SEMA6D: variants seen among roughly 807,000 people sequenced by gnomAD.
The protein encoded by SEMA6D is semaphorin-6D.
Under a neutral mutation model 106.6 loss-of-function variants are expected in SEMA6D, and 35 were observed. That is an observed-to-expected ratio of 0.33 (90% confidence interval 0.25 to 0.44). SEMA6D has a LOEUF of 0.44. Ranked by LOEUF, SEMA6D falls within the 20% of genes least tolerant of loss-of-function variation. SEMA6D has a pLI of 1.00. For missense variants in SEMA6D, 1,185 were observed against 1,345.9 expected (o/e 0.88, Z 1.87); for synonymous variants, 499 against 487.7 (o/e 1.02, Z -0.31).
At chr15:47,676,941 G>A (rs536961543) in intron 4 of SEMA6D, among the ~76,000 whole-genome samples, 1 of 152,162 alleles carries the variant, frequency 6.6e-6, no homozygotes, top group Non-Finnish European at 1.5e-5. Context: ...GGGGTGGGTG[G>A]GTGGTTCCGG....
chr15:47,494,766 ATATATATATATATATATATATAT>A (rs1567119746), intron 3 of SEMA6D, among the ~76,000 whole-genome samples: 2,432 of 98,462 alleles, frequency 0.025, 137 homozygotes, highest in African/African-American at 0.089. Flanking sequence ...ATATATATAT[ATATATATATATATATATATATAT>A]AATCTCCAGA....
chr15:47,457,433 T>G (rs2042377352), intron 2 of SEMA6D, among the ~76,000 whole-genome samples: 1 of 151,910 alleles, frequency 6.6e-6, no homozygotes, highest in Non-Finnish European at 1.5e-5. Flanking sequence ...TTAAGCAGTA[T>G]TATAAGTATA....
chr15:47,316,102 C>CTTTTTTTTTTTTTT lies in SEMA6D; in HGVS notation c.-238-96283_-238-96282insTTTTTTTTTTTTTT, dbSNP rs67090828. 0.059 allele frequency among the ~76,000 whole-genome samples: 4,761 copies of CTTTTTTTTTTTTTT among 81,318 alleles called. 1,136 individuals are homozygous for CTTTTTTTTTTTTTT. In the East Asian group the frequency reaches 0.66, roughly 11 times the overall value. The allele number at this position is 81,318 out of a possible 152,430, so 53.3% of individuals were successfully genotyped here. ...TCCCAATCAGTATGCCATTTATTTC[C>CTTTTTTTTTTTTTT]TTTTTTTTGAGACAGAATCTTGTTC... On this transcript the variant is annotated intron_variant, in intron 1 of 19. Transcript: ENST00000558014.
chr15:47,523,371 A>C (rs910930322), intron 3 of SEMA6D, among the ~76,000 whole-genome samples: 1 of 152,082 alleles, frequency 6.6e-6, no homozygotes, highest in Non-Finnish European at 1.5e-5. Flanking sequence ...GGGGCTTCCC[A>C]ATGGAAGCCA....
chr15:47,556,920 C>T (rs2045932044), intron 3 of SEMA6D, among the ~76,000 whole-genome samples: 1 of 152,116 alleles, frequency 6.6e-6, no homozygotes, highest in Non-Finnish European at 1.5e-5. Context: ...TCTCTTATTG[C>T]TGTGTGACTC....
chr15:47,766,218 A>G (rs1265968294), intron 15 of SEMA6D, 36 bp downstream of exon 15: 2 of 1,565,058 alleles, frequency 1.3e-6, no homozygotes, highest in Admixed American at 1.7e-5. Context: ...AGGATGAACT[A>G]TCCTCTCCAG....
At chr15:47,743,274 T>C (rs1180463817) in intron 1 of SEMA6D, among the ~76,000 whole-genome samples, 1 of 152,228 alleles carries the variant, frequency 6.6e-6, no homozygotes, top group Non-Finnish European at 1.5e-5. Flanking sequence ...ATTTAATACA[T>C]AATTTAATAT....
At chr15:47,575,527 G>T (rs2076141482) in intron 3 of SEMA6D, among the ~76,000 whole-genome samples, 1 of 152,052 alleles carries the variant, frequency 6.6e-6, no homozygotes, top group Non-Finnish European at 1.5e-5. Flanking sequence ...AGACCATCCT[G>T]GCTAACACAA....
intron 3 of SEMA6D, among the ~76,000 whole-genome samples, chr15:47,543,483 A>G (rs979721585): frequency 6.6e-6 from 1 of 152,138 alleles, no homozygotes; most frequent in African/African-American, 2.4e-5. Context: ...CATGATTGTG[A>G]GGCCTCCCCA....
chr15:47,200,027 T>C, intron 1 of SEMA6D, among the ~76,000 whole-genome samples: 1 of 152,142 alleles, frequency 6.6e-6, no homozygotes, highest in Non-Finnish European at 1.5e-5. Flanking sequence ...ACTGAGGTCA[T>C]CCTCAGAGAA....
intron 3 of SEMA6D, among the ~76,000 whole-genome samples, chr15:47,569,037 C>T (rs1014997259): frequency 6.6e-6 from 1 of 152,002 alleles, no homozygotes; most frequent in Admixed American, 6.6e-5. Flanking sequence ...TTTGGGAAAA[C>T]GAGGAGACAG....
At chr15:47,554,006 G>A (rs890508857) in intron 3 of SEMA6D, among the ~76,000 whole-genome samples, 3 of 152,146 alleles carry the variant, frequency 2.0e-5, no homozygotes, top group Non-Finnish European at 2.9e-5. Context: ...GAAAGGCATG[G>A]GAAAGGAAAC....
At chr15:47,361,041 C>T (rs1292568574) in intron 1 of SEMA6D, among the ~76,000 whole-genome samples, 1 of 152,244 alleles carries the variant, frequency 6.6e-6, no homozygotes, top group Non-Finnish European at 1.5e-5. Context: ...ATGTGCATAG[C>T]AGCACATAGT....
chr15:47,383,401 C>G (rs1473064657), intron 1 of SEMA6D, among the ~76,000 whole-genome samples: 1 of 152,154 alleles, frequency 6.6e-6, no homozygotes, highest in Non-Finnish European at 1.5e-5. Context: ...AAGATGGGCA[C>G]AAGCACTATG....
chr15:47,377,484 A>G (rs930630305), intron 1 of SEMA6D, among the ~76,000 whole-genome samples: 3 of 152,194 alleles, frequency 2.0e-5, no homozygotes, highest in Admixed American at 6.5e-5. Context: ...TCCTGGAGAC[A>G]CGTATCAGAG....
At chr15:47,186,935 T>A (rs556208806) in intron 1 of SEMA6D, among the ~76,000 whole-genome samples, 1 of 152,326 alleles carries the variant, frequency 6.6e-6, no homozygotes, top group South Asian at 2.1e-4. Context: ...GCCAAGATAA[T>A]TATATCATTG....
intron 2 of SEMA6D, among the ~76,000 whole-genome samples, chr15:47,454,122 C>T (rs1339372190): frequency 6.6e-6 from 1 of 151,794 alleles, no homozygotes; most frequent in African/African-American, 2.4e-5. Flanking sequence ...GTGGGCATTT[C>T]TGGAGAGCCT....
intron 4 of SEMA6D, among the ~76,000 whole-genome samples, chr15:47,619,431 A>C (rs1198205670): frequency 7.2e-5 from 11 of 152,252 alleles, no homozygotes; most frequent in Non-Finnish European, 1.3e-4. Context: ...TGCAGGCCAG[A>C]GCCCAGGTAT....
At chr15:47,661,069 T>A (rs1021593883) in intron 4 of SEMA6D, among the ~76,000 whole-genome samples, 21 of 152,230 alleles carry the variant, frequency 1.4e-4, no homozygotes, top group Admixed American at 1.4e-3. Context: ...GGACCTTCTT[T>A]CCTGGTCAAC....
Sources: gnomAD v4.1 joint callset for allele counts (sites outside exome capture counted in the v4.1 genomes callset) on GRCh38, gnomAD v4.1.1 for gene constraint, MANE v1.5 for transcripts, NCBI Gene and HGNC (gene_info 2026-07-23, HGNC 2026-07-21) for gene names.